Variants in NARF observed in about 807,000 individuals in gnomAD.
NARF encodes the protein iron-only hydrogenase-like protein 2.
In NARF, 41 loss-of-function variants were observed where a neutral mutation model predicts 48.0. The observed-to-expected ratio is 0.85, with a 90% CI of 0.66 to 1.11. The LOEUF (loss-of-function observed/expected upper bound fraction) is 1.11, where lower values mean the gene tolerates loss of function less well. Among genes scored for constraint, NARF ranks in the 50% least tolerant of loss-of-function variants. The pLI, the probability that NARF is intolerant of heterozygous loss-of-function variation, is 0.00. For synonymous variants in NARF, 215 were observed against 225.5 expected (o/e 0.95, Z 0.42); for missense variants, 613 against 590.2 (o/e 1.04, Z -0.40).
chr17:82,490,299 C>T lies in NARF; in HGVS notation c.*2142C>T, dbSNP rs565641002. Reference sequence around the variant, plus strand: ...CTGAAGCACTGGGATTGGATTAACTCGAGCGATGGCCTTCCCAGCCCTCCG... The same window carrying T: ...CTGAAGCACTGGGATTGGATTAACTTGAGCGATGGCCTTCCCAGCCCTCCG... On this transcript the variant is annotated 3_prime_UTR_variant, in exon 11 of 11. Transcript: ENST00000309794. 5.9e-5 allele frequency: 9 copies of T among 152,402 alleles called. No homozygotes were observed. Among genetic ancestry groups the T allele is most frequent in the Middle Eastern group, 3.4e-3 (1 of 294 alleles). 9.4% of individuals were successfully genotyped at this position (152,402 alleles called of 1,614,324 possible).
rs2043350075 is a variant in NARF at position 82,458,774 on chromosome 17, G to A, written c.-30G>A. ...CTCCCGGTGCTTCCCTGAGGCTGAG[G>A]CGCCCGGCCTCCCGCCCGCCGCGCT... is the stretch of plus-strand genomic sequence containing the variant. On this transcript the variant is annotated 5_prime_UTR_variant, in exon 1 of 11. Transcript: ENST00000309794. The A allele has an allele frequency of 1.4e-6, 2 of 1,466,214 alleles. No individual in the cohort carries two copies. The highest frequency in any genetic ancestry group is 9.0e-7 in the Non-Finnish European group (1 of 1,115,250). 90.8% of individuals were successfully genotyped at this position (1,466,214 alleles called of 1,614,324 possible). A position where few individuals can be genotyped will look rare whatever the true frequency, so the allele number is the denominator to read the frequency against.
intron 3 of NARF, among the ~76,000 whole-genome samples, chr17:82,467,474 CT>C (rs934559901): frequency 2.0e-5 from 3 of 151,096 alleles, no homozygotes; most frequent in East Asian, 2.0e-4. Context: ...GGCCTGGTAA[CT>C]TTTTTTTTAT....
chr17:82,480,636 G>T, intron 6 of NARF: 2 of 423,728 alleles, frequency 4.7e-6, no homozygotes, highest in Non-Finnish European at 8.4e-6. Flanking sequence ...CCAGCCCCAA[G>T]AAAGTGCTGC....
chr17:82,464,529 G>A (rs1290319906), intron 3 of NARF, 99 bp downstream of exon 3: 1 of 1,409,760 alleles, frequency 7.1e-7, no homozygotes, highest in East Asian at 2.4e-5. Flanking sequence ...TGGGACATCG[G>A]ATGCACATCT....
chr17:82,486,691 G>A (rs1248060037), intron 10 of NARF, among the ~76,000 whole-genome samples: 1 of 152,178 alleles, frequency 6.6e-6, no homozygotes, highest in Non-Finnish European at 1.5e-5. Context: ...CTGTGTGCAA[G>A]CGGGTGGAGC....
intron 5 of NARF, 161 bp from the exon 6 acceptor site, chr17:82,478,639 A>T: frequency 1.3e-6 from 1 of 743,900 alleles, no homozygotes. Context: ...GCCACCGAGG[A>T]CGGGTTTTGG....
chr17:82,459,403 A>T (rs1169055677), intron 1 of NARF: 1 of 159,378 alleles, frequency 6.3e-6, no homozygotes, highest in Non-Finnish European at 1.3e-5. Flanking sequence ...GCTTCCTAAC[A>T]TTCCATGGGT....
intron 4 of NARF, 134 bp from the exon 5 acceptor site, chr17:82,472,430 G>T (rs2043731334): frequency 8.3e-6 from 8 of 960,178 alleles, no homozygotes; most frequent in Non-Finnish European, 1.2e-5. Context: ...GTTGCAGTGA[G>T]CCGAGATTAT....
At chr17:82,482,984 G>A (rs1219124052) in intron 7 of NARF, among the ~76,000 whole-genome samples, 2 of 151,320 alleles carry the variant, frequency 1.3e-5, no homozygotes, top group South Asian at 2.1e-4. Flanking sequence ...TAGTAGAGAG[G>A]GGGTTTCGCC....
chr17:82,460,305 A>G (rs77829753), intron 2 of NARF: 1 of 342,906 alleles, frequency 2.9e-6, no homozygotes, highest in African/African-American at 2.1e-5. Context: ...TCTCTGCTAA[A>G]AATACAAAAA....
chr17:82,485,430 A>G (rs1567947128), intron 9 of NARF, 67 bp from the exon 10 acceptor site: 3 of 1,554,218 alleles, frequency 1.9e-6, no homozygotes, highest in African/African-American at 2.8e-5. Flanking sequence ...CAAAAAAAAA[A>G]AGGAAGTGTT....
In NARF at chr17:82,471,356, G is replaced by A. The variant is rs1276056149; in HGVS notation, c.386-1208G>A. ...TGTAGTCCCAGCTACTTGGGAGGCCGAAGCAGGAGAATGGTGTGAACCTGG... is the reference window on the plus strand; with the variant it reads ...TGTAGTCCCAGCTACTTGGGAGGCCAAAGCAGGAGAATGGTGTGAACCTGG... On this transcript the variant is annotated intron_variant, in intron 4 of 10. Coordinates refer to ENST00000309794, the MANE Select transcript of NARF (RefSeq NM_012336.4). Among the ~76,000 whole-genome samples, 6 of 150,044 alleles carry A rather than the reference G, an allele frequency of 4.0e-5. No individual in the cohort carries two copies. In the East Asian group the frequency reaches 7.9e-4, roughly 20 times the overall value.
chr17:82,481,200 T>C lies in NARF; in HGVS notation c.758T>C (p.Val253Ala), dbSNP rs1166666128. 1.9e-6 allele frequency: 3 copies of C among 1,613,836 alleles called. No homozygotes were observed. Among genetic ancestry groups the C allele is most frequent in the Admixed American group, 1.7e-5 (1 of 59,976 alleles). Residue 253 changes from valine to alanine, a missense_variant, in exon 7 of 11, where the codon GTG (valine) becomes GCG (alanine). Val to Ala is a moderately conservative substitution (Grantham distance 64, BLOSUM62 0). Transcript: ENST00000309794. The stretch of plus-strand genomic sequence containing the variant: ...CATGGCTCCCGGGGCGCTGACTGCG[T>C]GTTAACATCAGGTGAGAGGTGGGCG... The part of the protein sequence containing the change: ...ALHGSRGADC[V>A]LTSGEIAQIM...
rs547832418 is a variant in NARF, at chr17:82,488,587, C to A, written c.*430C>A. On this transcript the variant is annotated 3_prime_UTR_variant, in exon 11 of 11. Coordinates refer to ENST00000309794, the MANE Select transcript of NARF (RefSeq NM_012336.4). Reference sequence around the variant, plus strand: ...ATGGGGTTTCACTATGTTGGCCAGGCTGGTATTGAATTCCTGACCTCCTGA... The same window carrying A: ...ATGGGGTTTCACTATGTTGGCCAGGATGGTATTGAATTCCTGACCTCCTGA... The A allele has an allele frequency of 3.6e-4, 60 of 166,000 alleles. 1 individual carries two copies. The highest frequency in any genetic ancestry group is 1.1e-3 in the African/African-American group (47 of 41,770). 10.3% of individuals were successfully genotyped at this position (166,000 alleles called of 1,614,324 possible). A position where few individuals can be genotyped will look rare whatever the true frequency, so the allele number is the denominator to read the frequency against.
rs563393366 is a variant in NARF, at chr17:82,469,039, C to G, written c.385+143C>G. 3.3e-6 allele frequency: 3 copies of G among 914,056 alleles called. No homozygotes were observed. The East Asian group carries it at 7.9e-5, about 24-fold the overall frequency. 56.6% of individuals were successfully genotyped at this position (914,056 alleles called of 1,614,324 possible). On this transcript the variant is annotated intron_variant, in intron 4 of 10. Coordinates refer to ENST00000309794, the MANE Select transcript of NARF (RefSeq NM_012336.4). ...CTTGGAACGTAAAAAGACCATGTCC[C>G]GTGTGTCATGAAACCCAGCCTCTGA...
At position 82,478,904 on chromosome 17, in the gene NARF, T is replaced by G. The variant is rs749727803; in HGVS notation, c.625T>G (p.Phe209Val). ...QVMGSLVKDY[F>V]ARQQNLSPEK... is the part of the protein sequence containing the mutation. The stretch of plus-strand genomic sequence containing the variant: ...CATGGGCTCTTTGGTGAAGGATTAT[T>G]TCGCCAGACAGCAGGTAAGCTGACC... The change falls in exon 6 of 11, where the codon TTC becomes GTC. Residue 209 changes from phenylalanine (F) to valine (V), a missense_variant. By Grantham distance (50) the Phe-to-Val change is conservative (BLOSUM62 -1). Transcript: ENST00000309794. 6.2e-7 allele frequency: 1 copy of G among 1,613,758 alleles called. No homozygotes were observed. The highest frequency in any genetic ancestry group is 1.7e-5 in the Admixed American group (1 of 59,984).
intron 8 of NARF, chr17:82,484,021 A>G (rs996504402): frequency 2.0e-6 from 1 of 506,204 alleles, no homozygotes; most frequent in African/African-American, 1.9e-5. Flanking sequence ...TTGCCACCCT[A>G]AACCCTTGAG....
chr17:82,473,143 A>G (rs2043753550), intron 5 of NARF, among the ~76,000 whole-genome samples: 1 of 151,766 alleles, frequency 6.6e-6, no homozygotes. Context: ...GTTTTGCCAT[A>G]TTGGCCAGGC....
At chr17:82,483,608 C>T in intron 7 of NARF, 108 bp from the exon 8 acceptor site, 2 of 971,460 alleles carry the variant, frequency 2.1e-6, no homozygotes, top group Non-Finnish European at 3.3e-6. Context: ...ATGGAGATTT[C>T]ATAAGAGGGA....
Sources: allele counts gnomAD v4.1 joint callset (sites outside exome capture counted in the v4.1 genomes callset), GRCh38; gene constraint gnomAD v4.1.1; transcripts MANE v1.5; gene names NCBI Gene and HGNC (gene_info 2026-07-23, HGNC 2026-07-21).